Variants in ABCC9 observed in about 807,000 individuals in gnomAD.
The protein encoded by ABCC9 is ATP-binding cassette sub-family C member 9.
ABCC9 carries 95 observed loss-of-function variants against 188.3 expected under a neutral mutation model. That is an observed-to-expected ratio of 0.50 (90% CI 0.43 to 0.60). The LOEUF is 0.60. Ranked by LOEUF, ABCC9 falls within the 20% of genes least tolerant of loss-of-function variation. The pLI is 0.00. For missense variants in ABCC9, 1,102 were observed against 1,876.3 expected (o/e 0.59, Z 7.62); for synonymous variants, 659 against 652.7 (o/e 1.01, Z -0.15).
chr12:21,892,164 C>T (rs1947188807), intron 14 of ABCC9, among the ~76,000 whole-genome samples: 1 of 152,152 alleles, frequency 6.6e-6, no homozygotes, highest in Non-Finnish European at 1.5e-5. Context: ...AGGGAGAGTG[C>T]TGTGCAGAAA....
chr12:21,817,930 A>G (rs370699385), intron 32 of ABCC9, among the ~76,000 whole-genome samples: 39 of 152,116 alleles, frequency 2.6e-4, no homozygotes, highest in African/African-American at 8.7e-4. Context: ...TACGCAGAAC[A>G]TGCAGGTTTG....
intron 38 of ABCC9, among the ~76,000 whole-genome samples, chr12:21,806,340 A>G (rs1941840824): frequency 6.6e-6 from 1 of 152,228 alleles, no homozygotes; most frequent in African/African-American, 2.4e-5. Flanking sequence ...AATGGGTATC[A>G]AAGTGCTCAC....
At chr12:21,906,026 A>C in intron 12 of ABCC9, 100 bp downstream of exon 12, 2 of 1,335,468 alleles carry the variant, frequency 1.5e-6, no homozygotes, top group Non-Finnish European at 2.1e-6. Context: ...GTGTCCTTGA[A>C]GAACTAGAAT....
Position 21,801,076 on chromosome 12 carries a change from C to T in ABCC9, c.4618G>A (p.Val1540Ile), listed in dbSNP as rs878916894. 4 of 1,613,980 alleles carry T rather than the reference C, an allele frequency of 2.5e-6. No individual in the cohort carries two copies. The African/African-American group carries it at 4.0e-5, about 16-fold the overall frequency. Residue 1540 changes from valine (V) to isoleucine (I), a missense_variant, in exon 40 of 40, where the codon GTA becomes ATA. Around this residue, in one of 12 missense-constraint regions of ABCC9, gnomAD observed 30 missense variants for 34.3 expected, o/e 0.87. Coordinates refer to ENST00000261200, the MANE Select transcript of ABCC9 (RefSeq NM_020297.4). ...PESLLAQENG[V>I]FASFVRADM Reference sequence around the variant, plus strand: ...TCTGCGCGAACAAAAGAAGCAAATACTCCATTTTCCTGAGCCAAGAGGCTT... The same window carrying T: ...TCTGCGCGAACAAAAGAAGCAAATATTCCATTTTCCTGAGCCAAGAGGCTT...
chr12:21,890,340 C>T (rs1303267784), intron 14 of ABCC9, among the ~76,000 whole-genome samples: 1 of 152,126 alleles, frequency 6.6e-6, no homozygotes, highest in Non-Finnish European at 1.5e-5. Context: ...TACTCTCGAG[C>T]TTCATGCCTT....
At chr12:21,843,986 A>C (rs1232902145) in intron 28 of ABCC9, among the ~76,000 whole-genome samples, 1 of 152,182 alleles carries the variant, frequency 6.6e-6, no homozygotes, top group Non-Finnish European at 1.5e-5. Flanking sequence ...TTTCAAACAA[A>C]CTTTTAGATT....
chr12:21,844,754 A>C lies in ABCC9; in HGVS notation c.3245+13T>G, dbSNP rs2137387564. ...ATTTTATGTGTGGGAGTGAGAAATA[A>C]CCACTGTTTTACCTTATTGGTCCAA... is the stretch of plus-strand genomic sequence containing the variant. On this transcript the variant is annotated intron_variant, in intron 27 of 39. Coordinates refer to ENST00000261200, the MANE Select transcript of ABCC9 (RefSeq NM_020297.4). The C allele has an allele frequency of 6.2e-7, 1 of 1,613,834 alleles. No homozygotes were observed. Among genetic ancestry groups the C allele is most frequent in the East Asian group, 2.2e-5 (1 of 44,876 alleles).
chr12:21,845,872 C>T, intron 25 of ABCC9, 40 bp from the exon 26 acceptor site: 1 of 1,410,454 alleles, frequency 7.1e-7, no homozygotes, highest in Non-Finnish European at 1.0e-6. Context: ...CAGATGGGCA[C>T]CGGCTAGATA....
intron 29 of ABCC9, 52 bp from the exon 30 acceptor site, chr12:21,838,222 C>G: frequency 8.1e-7 from 1 of 1,228,400 alleles, no homozygotes; most frequent in Non-Finnish European, 1.2e-6. Context: ...GACTCAAAGA[C>G]TACCATGTTT....
At chr12:21,891,658 A>G (rs544953839) in intron 14 of ABCC9, among the ~76,000 whole-genome samples, 74 of 152,312 alleles carry the variant, frequency 4.9e-4, no homozygotes, top group African/African-American at 1.8e-3. Context: ...AGAAGTTTAC[A>G]AGTCTCTTAC....
intron 31 of ABCC9, chr12:21,828,620 G>A: frequency 2.9e-6 from 1 of 341,234 alleles, no homozygotes; most frequent in Non-Finnish European, 5.7e-6. Flanking sequence ...CCAACTCAGT[G>A]AAGGAAATGA....
chr12:21,891,634 T>C (rs1424856223), intron 14 of ABCC9, among the ~76,000 whole-genome samples: 1 of 152,226 alleles, frequency 6.6e-6, no homozygotes, highest in Admixed American at 6.5e-5. Context: ...TGGTATGGAA[T>C]TCTCCTCCGG....
At chr12:21,899,631 C>T (rs148096888) in intron 12 of ABCC9, among the ~76,000 whole-genome samples, 3,697 of 152,298 alleles carry the variant, frequency 0.024, 135 homozygotes, top group African/African-American at 0.084. Flanking sequence ...GCTTTTCCAA[C>T]GGTCTTAGCA....
chr12:21,857,691 T>C (rs1565746496), intron 22 of ABCC9, among the ~76,000 whole-genome samples: 1 of 151,982 alleles, frequency 6.6e-6, no homozygotes, highest in African/African-American at 2.4e-5. Flanking sequence ...TATGTAAAAA[T>C]AGTCAGAGAG....
chr12:21,806,046 T>C lies in ABCC9; in HGVS notation c.4464A>G (p.Gln1488=), dbSNP rs1373891125. ...CTGCAAAGGCTGTCATTACTACTTT[T>C]TGCAAAATATTCTCCTGCAAAAAAA... ...SIDMATENIL[Q]KVVMTAFADR... Residue 1488 remains glutamine (Q), a synonymous_variant, in exon 39 of 40, where the codon CAA becomes CAG. Transcript: ENST00000261200. 5 of 1,613,532 alleles carry C rather than the reference T, an allele frequency of 3.1e-6. No individual in the cohort carries two copies. In the Admixed American group the frequency reaches 8.3e-5, roughly 27 times the overall value.
chr12:21,808,154 A>G (rs1025863196), intron 37 of ABCC9, among the ~76,000 whole-genome samples: 4 of 152,038 alleles, frequency 2.6e-5, no homozygotes, highest in Non-Finnish European at 5.9e-5. Flanking sequence ...ACCTTTCCCT[A>G]ATGTCCTGGG....
At chr12:21,860,785 A>G (rs763988335) in intron 21 of ABCC9, among the ~76,000 whole-genome samples, 186 bp downstream of exon 21, 3 of 152,168 alleles carry the variant, frequency 2.0e-5, no homozygotes, top group Non-Finnish European at 4.4e-5. Flanking sequence ...ATTACTCAAT[A>G]AATATTAATA....
chr12:21,817,196 C>T lies in ABCC9; in HGVS notation c.3883G>A (p.Gly1295Ser), dbSNP rs2137187157. The change falls in exon 33 of 40, where the codon GGC becomes AGC. Residue 1295 changes from glycine to serine, a missense_variant. Coordinates refer to ENST00000261200, the MANE Select transcript of ABCC9 (RefSeq NM_020297.4). The stretch of plus-strand genomic sequence containing the variant: ...ATATTTAGAGCAATACCCATTGTGC[C>T]TTCATAGTTCTCTGACTCCATAGTC... ...FLTMESENYEGTMDPSQVPEH... is the reference protein window; with the variant it reads ...FLTMESENYESTMDPSQVPEH... 6.2e-7 allele frequency: 1 copy of T among 1,613,602 alleles called. No homozygotes were observed. Among genetic ancestry groups the T allele is most frequent in the Non-Finnish European group, 8.5e-7 (1 of 1,179,696 alleles).
At chr12:21,828,847 TGAAGCTAGTGCC>T in intron 31 of ABCC9, 99 bp downstream of exon 31, 1 of 859,788 alleles carries the variant, frequency 1.2e-6, no homozygotes, top group Non-Finnish European at 2.0e-6. Flanking sequence ...CCAGAAAATG[TGAAGCTAGTGCC>T]GAATCTCAGT....
Sources: allele counts gnomAD v4.1 joint callset (sites outside exome capture counted in the v4.1 genomes callset), GRCh38; gene constraint gnomAD v4.1.1; regional missense constraint gnomAD v4.1.1; transcripts MANE v1.5; gene names NCBI Gene and HGNC (gene_info 2026-07-23, HGNC 2026-07-21).